Variants in CACNG2 observed in about 807,000 individuals in gnomAD.
CACNG2 encodes the protein voltage-dependent calcium channel gamma-2 subunit.
In CACNG2, 3 loss-of-function variants were observed where a neutral mutation model predicts 25.9. The observed-to-expected ratio is 0.12, with a 90% CI of 0.05 to 0.30. The LOEUF (loss-of-function observed/expected upper bound fraction) is 0.30. Among genes scored for constraint, CACNG2 ranks in the 10% least tolerant of loss-of-function variants. The pLI, the probability that CACNG2 is intolerant of heterozygous loss-of-function variation, is 1.00. For missense variants in CACNG2, 341 were observed against 432.5 expected, an observed-to-expected ratio of 0.79 and a Z score of 1.88; for synonymous variants, 167 against 173.3, an observed-to-expected ratio of 0.96 and a Z score of 0.29.
chr22:36,600,507 G>A (rs992529693), intron 1 of CACNG2, among the ~76,000 whole-genome samples: 1 of 149,458 alleles, frequency 6.7e-6, no homozygotes, highest in Non-Finnish European at 1.5e-5. Flanking sequence ...AACATAACCT[G>A]TACAAGTTAA....
At chr22:36,593,903 A>G (rs6000342) in intron 1 of CACNG2, among the ~76,000 whole-genome samples, 9,146 of 152,146 alleles carry the variant, frequency 0.06, 749 homozygotes, top group African/African-American at 0.18. Context: ...GGGCACTAGC[A>G]GCACTCAAGC....
At chr22:36,604,888 C>A (rs1237683080) in intron 1 of CACNG2, among the ~76,000 whole-genome samples, 1 of 152,136 alleles carries the variant, frequency 6.6e-6, no homozygotes, top group Non-Finnish European at 1.5e-5. Flanking sequence ...AGCAATCCTC[C>A]CACCTCAGTC....
chr22:36,655,811 C>CTTT (rs376906326), intron 1 of CACNG2, among the ~76,000 whole-genome samples: 3 of 110,558 alleles, frequency 2.7e-5, no homozygotes, highest in African/African-American at 9.9e-5. Flanking sequence ...TTCTTTCTTT[C>CTTT]TTTTTTTTTT....
chr22:36,572,209 C>T (rs758991370), intron 2 of CACNG2, among the ~76,000 whole-genome samples: 19 of 152,164 alleles, frequency 1.2e-4, no homozygotes, highest in African/African-American at 3.9e-4. Context: ...GTTCTAAGAG[C>T]GGTGTAAACC....
chr22:36,655,342 C>T (rs1405815898), intron 1 of CACNG2, among the ~76,000 whole-genome samples: 1 of 152,094 alleles, frequency 6.6e-6, no homozygotes, highest in South Asian at 2.1e-4. Context: ...ATTAAAGCCT[C>T]GATCAAGCGT....
intron 1 of CACNG2, among the ~76,000 whole-genome samples, chr22:36,588,897 G>C (rs1935544837): frequency 6.6e-6 from 1 of 151,904 alleles, no homozygotes; most frequent in Non-Finnish European, 1.5e-5. Context: ...TTCTTCTACA[G>C]TCCTGAGACT....
At chr22:36,588,889 C>A (rs557819752) in intron 1 of CACNG2, among the ~76,000 whole-genome samples, 8 of 151,872 alleles carry the variant, frequency 5.3e-5, no homozygotes, top group Non-Finnish European at 1.0e-4. Context: ...CAATGATTTT[C>A]TTCTACAGTC....
At chr22:36,638,019 C>T (rs1936383661) in intron 1 of CACNG2, among the ~76,000 whole-genome samples, 2 of 149,534 alleles carry the variant, frequency 1.3e-5, no homozygotes, top group South Asian at 2.1e-4. Context: ...GAGAATCCAT[C>T]TCAAAAAAAA....
intron 1 of CACNG2, among the ~76,000 whole-genome samples, chr22:36,595,272 T>C (rs1159822247): frequency 6.6e-6 from 1 of 151,756 alleles, no homozygotes; most frequent in African/African-American, 2.4e-5. Flanking sequence ...CAGAGCAGAG[T>C]TGGGAGTAAC....
intron 1 of CACNG2, among the ~76,000 whole-genome samples, chr22:36,641,936 G>A (rs1936447546): frequency 6.6e-6 from 1 of 152,210 alleles, no homozygotes; most frequent in African/African-American, 2.4e-5. Context: ...TATTCCCAGG[G>A]AGACTTCCAA....
chr22:36,570,557 C>T (rs1326127483), intron 2 of CACNG2, among the ~76,000 whole-genome samples: 10 of 151,880 alleles, frequency 6.6e-5, no homozygotes, highest in African/African-American at 2.4e-4. Flanking sequence ...GTCAGGAGTT[C>T]GAGACCAGCC....
intron 3 of CACNG2, 152 bp downstream of exon 3, chr22:36,566,201 C>A: frequency 1.3e-6 from 1 of 771,014 alleles, no homozygotes; most frequent in Admixed American, 2.1e-5. Context: ...AGGAGCCCCC[C>A]CACCACCTTC....
intron 1 of CACNG2, among the ~76,000 whole-genome samples, chr22:36,649,046 C>T (rs1936569758): frequency 6.6e-6 from 1 of 152,350 alleles, no homozygotes; most frequent in Admixed American, 6.5e-5. Context: ...TGCAAAGCCT[C>T]AGCAAATTGG....
intron 1 of CACNG2, among the ~76,000 whole-genome samples, chr22:36,591,946 G>C (rs116327712): frequency 0.02 from 3,072 of 152,154 alleles, 114 homozygotes; most frequent in African/African-American, 0.071. Flanking sequence ...GGAAGGGTTG[G>C]GGACGGGAGG....
intron 2 of CACNG2, chr22:36,585,398 G>A (rs1377859516): frequency 6.6e-6 from 1 of 152,162 alleles, no homozygotes; most frequent in Non-Finnish European, 1.5e-5. Flanking sequence ...CAAGATCTAG[G>A]TTAGAACTTC....
chr22:36,564,679 G>A lies in CACNG2; in HGVS notation c.644C>T (p.Thr215Met). The change falls in exon 4 of 4, where the codon ACG becomes ATG. Residue 215 changes from threonine to methionine, a missense_variant. Coordinates refer to ENST00000300105, the MANE Select transcript of CACNG2 (RefSeq NM_006078.5). This position sits in a 1 kb window ranked among gnomAD's most constrained non-coding sequence, Gnocchi z 6.7. The part of the protein sequence containing the change: ...HKQLRATARA[T>M]DYLQASAITR... ...GATGGCAGAGGCCTGGAGGTAGTCC[G>A]TGGCGCGGGCCGTGGCCCGCAGCTG... is the stretch of plus-strand genomic sequence containing the variant. 1 of 1,614,014 alleles carries A rather than the reference G, an allele frequency of 6.2e-7. No homozygotes were observed. The highest frequency in any genetic ancestry group is 1.1e-5 in the South Asian group (1 of 91,082).
At chr22:36,580,629 G>T (rs530202285) in intron 2 of CACNG2, among the ~76,000 whole-genome samples, 1 of 152,250 alleles carries the variant, frequency 6.6e-6, no homozygotes, top group African/African-American at 2.4e-5. Context: ...CACACCTCCA[G>T]CCCCAGGCTC....
At chr22:36,688,188 C>T (rs965613442) in intron 1 of CACNG2, among the ~76,000 whole-genome samples, 24 of 152,192 alleles carry the variant, frequency 1.6e-4, no homozygotes, top group African/African-American at 5.1e-4. Context: ...CAGTAGCTCT[C>T]GGGGAAAATC....
At chr22:36,626,827 A>G (rs998926442) in intron 1 of CACNG2, among the ~76,000 whole-genome samples, 1 of 152,254 alleles carries the variant, frequency 6.6e-6, no homozygotes, top group Non-Finnish European at 1.5e-5. Context: ...GGAAAAACTG[A>G]CAGCTTTAGA....
Sources: allele counts gnomAD v4.1 joint callset (sites outside exome capture counted in the v4.1 genomes callset), GRCh38; gene constraint gnomAD v4.1.1; non-coding constraint Gnocchi (gnomAD v3.1); transcripts MANE v1.5; gene names NCBI Gene and HGNC (gene_info 2026-07-23, HGNC 2026-07-21).